The following NBAS variants were observed in gnomAD, a reference collection of about 807,000 sequenced individuals.
NBAS encodes NAG/BC035112 fusion.
NBAS carries 219 observed loss-of-function variants against 302.5 expected under a neutral mutation model. The observed-to-expected ratio is 0.72, with a 90% CI of 0.65 to 0.81. NBAS has a LOEUF of 0.81. Ranked by LOEUF, NBAS falls within the 30% of genes least tolerant of loss-of-function variation. The probability of loss-of-function intolerance (pLI) is 0.00; values close to 1 mark genes in which losing one functional copy is unlikely to be tolerated. For synonymous variants in NBAS, 1,118 were observed against 1,021.6 expected (o/e 1.09, Z -1.80); for missense variants, 2,932 against 2,841.6 (o/e 1.03, Z -0.72).
intron 42 of NBAS, among the ~76,000 whole-genome samples, chr2:15,281,794 TTA>T (rs1285033004): frequency 2.6e-5 from 4 of 152,200 alleles, no homozygotes; most frequent in African/African-American, 9.7e-5. Context: ...ATTTTCCTGT[TTA>T]TGTTTTGTGC....
chr2:15,292,589 G>A lies in NBAS; in HGVS notation c.4975C>T (p.Arg1659Trp), dbSNP rs963935830. Residue 1659 changes from arginine (R) to tryptophan (W), a missense_variant, in exon 41 of 52, where the codon CGG becomes TGG. Physicochemically the swap from Arg to Trp is moderately radical, Grantham distance 101. Transcript: ENST00000281513. ...TTATACTGGTCATCTGCAGTAAACC[G>A]CTGCACGTCCACACCCTTCCGAAGG... Reference protein sequence around the residue: ...QGLRKGVDVQRFTADDQYKRE... With the variant: ...QGLRKGVDVQWFTADDQYKRE... 7.4e-6 allele frequency: 12 copies of A among 1,614,012 alleles called. No individual in the cohort carries two copies. Among genetic ancestry groups the A allele is most frequent in the Admixed American group, 3.3e-5 (2 of 59,986 alleles).
intron 6 of NBAS, among the ~76,000 whole-genome samples, chr2:15,540,504 A>G (rs1015886534): frequency 4.6e-5 from 7 of 152,008 alleles, no homozygotes; most frequent in Admixed American, 2.6e-4. Flanking sequence ...CAAGATAAAC[A>G]GATCACATTC....
At chr2:15,411,101 C>T (rs1676664256) in intron 25 of NBAS, among the ~76,000 whole-genome samples, 1 of 152,184 alleles carries the variant, frequency 6.6e-6, no homozygotes, top group Admixed American at 6.5e-5. Flanking sequence ...CCTACAGCAG[C>T]TGCTGGGGCC....
At chr2:15,190,052 C>G (rs2125138934) in intron 49 of NBAS, among the ~76,000 whole-genome samples, 4 of 152,192 alleles carry the variant, frequency 2.6e-5, no homozygotes, top group Middle Eastern at 6.8e-3. Context: ...TTGTCTGATA[C>G]TTTTGAATAA....
the NBAS span, among the ~76,000 whole-genome samples, chr2:14,850,782 A>G: frequency 1.0e-4 from 8 of 76,378 alleles, 2 homozygotes; most frequent in African/African-American, 2.7e-4. Flanking sequence ...ATCTCACTCA[A>G]AGCCGCTCAA....
At chr2:15,381,088 A>G (rs1361274821) in intron 29 of NBAS, among the ~76,000 whole-genome samples, 3 of 152,216 alleles carry the variant, frequency 2.0e-5, no homozygotes, top group African/African-American at 7.2e-5. Flanking sequence ...CAAATGACTT[A>G]TATGTCATAG....
intron 4 of NBAS, among the ~76,000 whole-genome samples, 188 bp downstream of exon 4, chr2:15,553,871 CCT>C (rs1295299264): frequency 8.9e-5 from 3 of 33,744 alleles, no homozygotes; most frequent in African/African-American, 1.7e-4. Flanking sequence ...TCCCTCTCTC[CCT>C]CTCTCTCTCC....
At chr2:14,986,604 G>T in the NBAS span, among the ~76,000 whole-genome samples, 1 of 151,984 alleles carries the variant, frequency 6.6e-6, no homozygotes, top group African/African-American at 2.4e-5. Context: ...CAATTTTCAT[G>T]CACACTTAAA....
At chr2:15,311,750 T>C (rs1671286557) in intron 38 of NBAS, among the ~76,000 whole-genome samples, 1 of 152,146 alleles carries the variant, frequency 6.6e-6, no homozygotes, top group Non-Finnish European at 1.5e-5. Context: ...CGGAAGAAGT[T>C]AGATGTTTTC....
the NBAS span, among the ~76,000 whole-genome samples, chr2:15,154,123 G>T: frequency 6.6e-6 from 1 of 152,194 alleles, no homozygotes. Context: ...ATGCATTGAG[G>T]CTGGGCTAAT....
intron 9 of NBAS, among the ~76,000 whole-genome samples, chr2:15,532,346 G>A (rs544841402): frequency 9.9e-5 from 15 of 151,836 alleles, no homozygotes; most frequent in East Asian, 5.8e-4. Context: ...AAAATTAGCC[G>A]GGCTTGGTGG....
the NBAS span, among the ~76,000 whole-genome samples, chr2:15,044,479 G>A: frequency 1.3e-5 from 2 of 152,166 alleles, no homozygotes; most frequent in African/African-American, 4.8e-5. Context: ...CAATCTGCAG[G>A]AAAGCATACT....
chr2:14,811,470 G>T, the NBAS span, among the ~76,000 whole-genome samples: 1 of 152,070 alleles, frequency 6.6e-6, no homozygotes, highest in Admixed American at 6.5e-5. Flanking sequence ...TTAACTGGAG[G>T]TGATTCTGCC....
At chr2:14,995,586 G>A in the NBAS span, among the ~76,000 whole-genome samples, 1 of 152,072 alleles carries the variant, frequency 6.6e-6, no homozygotes, top group African/African-American at 2.4e-5. Flanking sequence ...CCCCACCTCA[G>A]CATAATCCAC....
intron 10 of NBAS, among the ~76,000 whole-genome samples, chr2:15,506,755 G>A (rs1383620037): frequency 2.0e-5 from 3 of 151,800 alleles, no homozygotes; most frequent in Admixed American, 6.6e-5. Flanking sequence ...AGACACCAAT[G>A]TACAAATATT....
In NBAS at chr2:15,190,280, T is replaced by C. The variant is rs150205441; in HGVS notation, c.6556A>G (p.Met2186Val). 68 of 1,613,926 alleles carry C rather than the reference T, an allele frequency of 4.2e-5. No homozygotes were observed. Among genetic ancestry groups the C allele is most frequent in the Non-Finnish European group, 5.3e-5 (63 of 1,179,884 alleles). Reference sequence around the variant, plus strand: ...AATACTTACACATATTCACTTTTCATAGGTGGCCAAGCTTGCAAAAGTAAA... The same window carrying C: ...AATACTTACACATATTCACTTTTCACAGGTGGCCAAGCTTGCAAAAGTAAA... The part of the protein sequence containing the change: ...LVLLLQAWPP[M>V]KSEYVITNNP... The change falls in exon 49 of 52, where the codon ATG (methionine) becomes GTG (valine). Residue 2186 changes from methionine (M) to valine (V), a missense_variant. Coordinates refer to ENST00000281513, the MANE Select transcript of NBAS (RefSeq NM_015909.4).
the NBAS span, among the ~76,000 whole-genome samples, chr2:14,819,757 T>C: frequency 1.4e-4 from 22 of 152,298 alleles, no homozygotes; most frequent in Non-Finnish European, 2.6e-4. Context: ...ACTTGCAAAC[T>C]ACCTATCTGA....
At chr2:14,808,470 A>G in the NBAS span, among the ~76,000 whole-genome samples, 1 of 152,148 alleles carries the variant, frequency 6.6e-6, no homozygotes, top group Non-Finnish European at 1.5e-5. Flanking sequence ...TCCTATTCTC[A>G]TGATAGTAAA....
chr2:15,251,857 C>T (rs1263132164), intron 44 of NBAS, among the ~76,000 whole-genome samples: 1 of 152,170 alleles, frequency 6.6e-6, no homozygotes, highest in Admixed American at 6.5e-5. Flanking sequence ...TTGCCTTAAC[C>T]TCCTGGGAAT....
Sources: allele counts gnomAD v4.1 joint callset (sites outside exome capture counted in the v4.1 genomes callset), GRCh38; gene constraint gnomAD v4.1.1; transcripts MANE v1.5; gene names NCBI Gene and HGNC (gene_info 2026-07-23, HGNC 2026-07-21).